Variants in AREL1 observed in about 807,000 individuals in gnomAD.
The protein encoded by AREL1 is apoptosis-resistant E3 ubiquitin protein ligase 1.
In AREL1, 62 loss-of-function variants were observed where a neutral mutation model predicts 99.0. The observed-to-expected ratio is 0.63, with a 90% CI of 0.51 to 0.77. The LOEUF is 0.77. AREL1 is among the 30% of genes least tolerant of loss of function. The pLI, the probability that AREL1 is intolerant of heterozygous loss-of-function variation, is 0.00. For synonymous variants in AREL1, 380 were observed against 376.5 expected, an observed-to-expected ratio of 1.01 and a Z score of -0.11; for missense variants, 879 against 1,027.6, an observed-to-expected ratio of 0.86 and a Z score of 1.98.
chr14:74,704,904 C>A (rs1014364549), intron 1 of AREL1, among the ~76,000 whole-genome samples: 1 of 152,136 alleles, frequency 6.6e-6, no homozygotes, highest in African/African-American at 2.4e-5. Flanking sequence ...AGAAAATCCT[C>A]TCGTCAAATT....
intron 5 of AREL1, among the ~76,000 whole-genome samples, chr14:74,681,643 C>T (rs190751123): frequency 3.4e-4 from 51 of 151,900 alleles, no homozygotes; most frequent in African/African-American, 1.1e-3. Flanking sequence ...CGTGGTGGCA[C>T]GTGCCTGTAA....
chr14:74,673,222 G>A lies in AREL1; in HGVS notation c.1159-4C>T, dbSNP rs751837144. On this transcript the variant is annotated splice_region_variant and splice_polypyrimidine_tract_variant and intron_variant, in intron 9 of 19. Transcript: ENST00000356357. ...GGTCAGGACCAAGGTATGAAAACTGGTAAAGAAAAACAAAGAAATTAATCT... is the reference window on the plus strand; with the variant it reads ...GGTCAGGACCAAGGTATGAAAACTGATAAAGAAAAACAAAGAAATTAATCT... 3.7e-6 allele frequency: 6 copies of A among 1,613,448 alleles called. No individual in the cohort carries two copies. The South Asian group carries it at 6.6e-5, about 18-fold the overall frequency.
chr14:74,676,012 GC>G, intron 7 of AREL1, 66 bp from the exon 8 acceptor site: 1 of 1,538,578 alleles, frequency 6.5e-7, no homozygotes, highest in East Asian at 2.3e-5. Context: ...CCTATCACAG[GC>G]TTTTAGTCCA....
At chr14:74,686,426 T>C (rs2089750095) in intron 2 of AREL1, among the ~76,000 whole-genome samples, 1 of 152,214 alleles carries the variant, frequency 6.6e-6, no homozygotes, top group African/African-American at 2.4e-5. Context: ...ATAAAAGTAC[T>C]GCCAAGGAAA....
chr14:74,695,459 C>T (rs1358384996), intron 1 of AREL1, among the ~76,000 whole-genome samples: 1 of 152,064 alleles, frequency 6.6e-6, no homozygotes, highest in Non-Finnish European at 1.5e-5. Flanking sequence ...AATCAAATAA[C>T]TCCTAGTTGT....
At chr14:74,665,834 C>A (rs1259841918) in intron 17 of AREL1, among the ~76,000 whole-genome samples, 1 of 152,228 alleles carries the variant, frequency 6.6e-6, no homozygotes, top group Non-Finnish European at 1.5e-5. Flanking sequence ...AGAGCCCAAA[C>A]TGAGCCTGAG....
At chr14:74,702,030 T>C (rs756207714) in intron 1 of AREL1, among the ~76,000 whole-genome samples, 1 of 152,222 alleles carries the variant, frequency 6.6e-6, no homozygotes, top group Non-Finnish European at 1.5e-5. Context: ...CCTGTGGCTT[T>C]GCAGGGTACA....
At chr14:74,706,252 C>T (rs1412674303) in intron 1 of AREL1, among the ~76,000 whole-genome samples, 2 of 152,076 alleles carry the variant, frequency 1.3e-5, no homozygotes, top group Admixed American at 6.6e-5. Context: ...CCTGACAAGC[C>T]GTCTCCCTCA....
At chr14:74,684,169 G>A (rs1480527843) in intron 4 of AREL1, among the ~76,000 whole-genome samples, 1 of 152,126 alleles carries the variant, frequency 6.6e-6, no homozygotes, top group Non-Finnish European at 1.5e-5. Context: ...AGAAACAGAA[G>A]GTGGGCCTGA....
chr14:74,706,515 C>T (rs1268772842), intron 1 of AREL1, among the ~76,000 whole-genome samples: 1 of 152,158 alleles, frequency 6.6e-6, no homozygotes, highest in Admixed American at 6.5e-5. Flanking sequence ...AAAAACTCAA[C>T]TAGCCACAGA....
intron 2 of AREL1, among the ~76,000 whole-genome samples, chr14:74,686,142 C>T (rs2089743337): frequency 6.6e-6 from 1 of 151,816 alleles, no homozygotes; most frequent in African/African-American, 2.4e-5. Flanking sequence ...ATCATGTTGG[C>T]ATTATGTAAT....
At chr14:74,682,035 T>G (rs1194564069) in intron 5 of AREL1, among the ~76,000 whole-genome samples, 2 of 152,228 alleles carry the variant, frequency 1.3e-5, no homozygotes, top group Non-Finnish European at 2.9e-5. Context: ...AAGTTTAATT[T>G]TTTTAAAAAG....
Position 74,684,467 on chromosome 14 carries a change from G to A in AREL1, c.230C>T (p.Ala77Val). ...ACATTCCCTTACATGCACTCGGAAG[G>A]CCATGCTGTGGCCCACCTCATAGGG... The part of the protein sequence containing the change: ...KDPYEVGHSM[A>V]FRVHLFYKNG... Residue 77 changes from alanine (A) to valine (V), a missense_variant, in exon 4 of 20, where the codon GCC becomes GTC. Transcript: ENST00000356357. 6.2e-7 allele frequency: 1 copy of A among 1,614,082 alleles called. No homozygotes were observed. Among genetic ancestry groups the A allele is most frequent in the African/African-American group, 1.3e-5 (1 of 75,026 alleles).
chr14:74,699,535 T>C (rs2090044699), intron 1 of AREL1, among the ~76,000 whole-genome samples: 2 of 152,212 alleles, frequency 1.3e-5, no homozygotes, highest in East Asian at 3.8e-4. Flanking sequence ...ATTGGGTAAA[T>C]GTTATAATTA....
At chr14:74,703,078 T>C (rs2090114240) in intron 1 of AREL1, among the ~76,000 whole-genome samples, 1 of 152,214 alleles carries the variant, frequency 6.6e-6, no homozygotes, top group Admixed American at 6.5e-5. Context: ...ACTTCCATAT[T>C]TTCAGGTATC....
At chr14:74,665,673 G>A (rs2089196306) in intron 17 of AREL1, among the ~76,000 whole-genome samples, 1 of 152,088 alleles carries the variant, frequency 6.6e-6, no homozygotes, top group African/African-American at 2.4e-5. Context: ...ACATTTAAAA[G>A]TATGCCAAAA....
chr14:74,683,622 G>T, intron 4 of AREL1, 89 bp from the exon 5 acceptor site: 1 of 1,178,876 alleles, frequency 8.5e-7, no homozygotes, highest in Non-Finnish European at 1.2e-6. Context: ...GGAAGTAGCT[G>T]GCAGAGACCA....
Position 74,684,682 on chromosome 14 carries a change from T to A in AREL1, c.17-2A>T. ...CAACCACAGACACTGTGATTCCACC[T>A]ATGCAAAAGAGAGAACACACAAACC... On this transcript the variant is annotated splice_acceptor_variant, in intron 3 of 19. Coordinates refer to ENST00000356357, the MANE Select transcript of AREL1 (RefSeq NM_001039479.2). LOFTEE classifies it high-confidence loss of function. 6.2e-7 allele frequency: 1 copy of A among 1,613,608 alleles called. No homozygotes were observed. Among genetic ancestry groups the A allele is most frequent in the South Asian group, 1.1e-5 (1 of 90,966 alleles).
At chr14:74,695,724 T>C (rs2089969907) in intron 1 of AREL1, among the ~76,000 whole-genome samples, 1 of 152,174 alleles carries the variant, frequency 6.6e-6, no homozygotes. Flanking sequence ...TCTCTCCTAA[T>C]AGATTGCGGA....
Sources: allele counts gnomAD v4.1 joint callset (sites outside exome capture counted in the v4.1 genomes callset), GRCh38; gene constraint gnomAD v4.1.1; transcripts MANE v1.5; gene names NCBI Gene and HGNC (gene_info 2026-07-23, HGNC 2026-07-21).